The following CAMKMT variants were observed in gnomAD, a reference collection of about 807,000 sequenced individuals.
CAMKMT encodes the protein CaM KMT.
In CAMKMT, 53 loss-of-function variants were observed where a neutral mutation model predicts 48.0. The observed-to-expected ratio is 1.10, with a 90% CI of 0.89 to 1.39. CAMKMT has a LOEUF of 1.39. Ranked by LOEUF, CAMKMT falls within the 40% of genes most tolerant of loss-of-function variation. The pLI is 0.00. For synonymous variants in CAMKMT, 165 were observed against 152.3 expected, an observed-to-expected ratio of 1.08 and a Z score of -0.61; for missense variants, 428 against 402.7, an observed-to-expected ratio of 1.06 and a Z score of -0.54.
chr2:44,623,836 G>C (rs1299647231), intron 3 of CAMKMT, among the ~76,000 whole-genome samples: 2 of 152,098 alleles, frequency 1.3e-5, no homozygotes, highest in East Asian at 3.9e-4. Context: ...ACAGATCCAT[G>C]TATTGTCACT....
At chr2:44,402,308 G>GCTGTCTAAAA (rs376947814) in intron 3 of CAMKMT, among the ~76,000 whole-genome samples, 3 of 139,740 alleles carry the variant, frequency 2.1e-5, no homozygotes, top group East Asian at 2.1e-4. Flanking sequence ...CAGCTTGGGT[G>GCTGTCTAAAA]ACACAGCAAG....
At chr2:44,456,514 C>T (rs2104605626) in intron 3 of CAMKMT, 2 of 1,542,178 alleles carry the variant, frequency 1.3e-6, no homozygotes, top group Admixed American at 4.0e-5. Context: ...GAATGAAAAG[C>T]TTTAACTACA....
At position 44,706,183 on chromosome 2, in the gene CAMKMT, G is replaced by A. The variant is rs1004000817; in HGVS notation, c.438-104G>A. On this transcript the variant is annotated intron_variant, in intron 4 of 10. Coordinates refer to ENST00000378494, the MANE Select transcript of CAMKMT (RefSeq NM_024766.5). ...CATGTCTCTACAACTTCCTGGTAGCGCCGTTCTTACTGCAGATGGCAATTT... is the reference window on the plus strand; with the variant it reads ...CATGTCTCTACAACTTCCTGGTAGCACCGTTCTTACTGCAGATGGCAATTT... 48 of 1,090,316 alleles carry A rather than the reference G, an allele frequency of 4.4e-5. No homozygotes were observed. In the Admixed American group the frequency reaches 7.1e-4, roughly 16 times the overall value. 67.5% of individuals were successfully genotyped at this position (1,090,316 alleles called of 1,614,324 possible).
intron 3 of CAMKMT, among the ~76,000 whole-genome samples, chr2:44,596,740 C>G (rs1168309684): frequency 6.6e-6 from 1 of 152,124 alleles, no homozygotes; most frequent in Non-Finnish European, 1.5e-5. Flanking sequence ...CAGACCTACA[C>G]CAGTGAACCG....
intron 3 of CAMKMT, among the ~76,000 whole-genome samples, chr2:44,610,370 A>C (rs989554267): frequency 6.6e-6 from 1 of 152,136 alleles, no homozygotes; most frequent in East Asian, 1.9e-4. Flanking sequence ...GAATAAAGGG[A>C]AGAATAAGGA....
At chr2:44,692,877 G>C (rs1676741533) in intron 3 of CAMKMT, among the ~76,000 whole-genome samples, 1 of 152,102 alleles carries the variant, frequency 6.6e-6, no homozygotes. Flanking sequence ...CAGATCCCTA[G>C]GTAGTGTTTT....
At chr2:44,435,777 A>T (rs1424305420) in intron 3 of CAMKMT, among the ~76,000 whole-genome samples, 3 of 152,212 alleles carry the variant, frequency 2.0e-5, no homozygotes, top group Non-Finnish European at 4.4e-5. Context: ...TAGCAGAAGG[A>T]CCTTTTAAAG....
At chr2:44,700,384 T>C (rs1251198519) in intron 3 of CAMKMT, among the ~76,000 whole-genome samples, 1 of 152,252 alleles carries the variant, frequency 6.6e-6, no homozygotes, top group Non-Finnish European at 1.5e-5. Context: ...CTTGTCTGTT[T>C]AGTGCAAGAG....
intron 8 of CAMKMT, among the ~76,000 whole-genome samples, chr2:44,748,057 T>TA (rs1249759018): frequency 1.3e-5 from 2 of 152,168 alleles, no homozygotes; most frequent in African/African-American, 4.8e-5. Flanking sequence ...AAGACTTATT[T>TA]AAGGGGTGAA....
chr2:44,407,140 G>C (rs972338442), intron 3 of CAMKMT, among the ~76,000 whole-genome samples: 2 of 152,200 alleles, frequency 1.3e-5, no homozygotes, highest in African/African-American at 4.8e-5. Context: ...TGTTGCTGTA[G>C]TTATCTGCAG....
chr2:44,709,262 T>C (rs1349331612), intron 6 of CAMKMT, among the ~76,000 whole-genome samples: 1 of 152,154 alleles, frequency 6.6e-6, no homozygotes, highest in Non-Finnish European at 1.5e-5. Context: ...TGCTGGGTTT[T>C]ACAATGGGTT....
chr2:44,493,409 G>A (rs1379818039), intron 3 of CAMKMT, among the ~76,000 whole-genome samples: 3 of 152,078 alleles, frequency 2.0e-5, no homozygotes, highest in Non-Finnish European at 1.5e-5. Flanking sequence ...CCTGCAGCCC[G>A]TTAGAAATCA....
At chr2:44,532,252 T>G (rs1483555122) in intron 3 of CAMKMT, among the ~76,000 whole-genome samples, 1 of 152,218 alleles carries the variant, frequency 6.6e-6, no homozygotes, top group East Asian at 1.9e-4. Context: ...TCAAAGAATG[T>G]ACAAATGTCT....
chr2:44,595,546 A>G (rs1670600780), intron 3 of CAMKMT, among the ~76,000 whole-genome samples: 1 of 152,356 alleles, frequency 6.6e-6, no homozygotes, highest in East Asian at 1.9e-4. Context: ...GGAAGAATCA[A>G]TATTGTGAAA....
chr2:44,736,483 A>G (rs1212426348), intron 7 of CAMKMT, among the ~76,000 whole-genome samples: 6 of 152,072 alleles, frequency 3.9e-5, no homozygotes, highest in Non-Finnish European at 8.8e-5. Flanking sequence ...GATTATTATT[A>G]TGTGCCTGCT....
intron 3 of CAMKMT, among the ~76,000 whole-genome samples, chr2:44,524,784 G>A (rs571312789): frequency 6.6e-6 from 1 of 152,230 alleles, no homozygotes; most frequent in Admixed American, 6.5e-5. Flanking sequence ...GCCATGTCCT[G>A]TTCATCATTA....
chr2:44,582,569 G>A (rs1250364108), intron 3 of CAMKMT, among the ~76,000 whole-genome samples: 1 of 152,174 alleles, frequency 6.6e-6, no homozygotes, highest in Non-Finnish European at 1.5e-5. Context: ...AGCAAGTCCA[G>A]CAATACCACA....
intron 3 of CAMKMT, among the ~76,000 whole-genome samples, chr2:44,531,932 T>C (rs1290199007): frequency 6.6e-6 from 1 of 152,112 alleles, no homozygotes; most frequent in African/African-American, 2.4e-5. Context: ...CATTACAAAA[T>C]AAAAGGCAGG....
At chr2:44,595,892 C>T (rs1670623741) in intron 3 of CAMKMT, among the ~76,000 whole-genome samples, 1 of 151,800 alleles carries the variant, frequency 6.6e-6, no homozygotes, top group African/African-American at 2.4e-5. Flanking sequence ...GAAGAGAAAA[C>T]CAAACACTGC....
Sources: gnomAD v4.1 joint callset for allele counts (sites outside exome capture counted in the v4.1 genomes callset) on GRCh38, gnomAD v4.1.1 for gene constraint, MANE v1.5 for transcripts, NCBI Gene and HGNC (gene_info 2026-07-23, HGNC 2026-07-21) for gene names.